The following GRIK1 variants were observed in gnomAD, a reference collection of about 807,000 sequenced individuals.
GRIK1 encodes glutamate ionotropic receptor kainate type subunit 1.
Under a neutral mutation model 105.7 loss-of-function variants are expected in GRIK1, and 69 were observed. The observed-to-expected ratio is 0.65, with a 90% CI of 0.54 to 0.80. The LOEUF (loss-of-function observed/expected upper bound fraction) is 0.80, where lower values mean the gene tolerates loss of function less well. Among genes scored for constraint, GRIK1 ranks in the 30% least tolerant of loss-of-function variants. The pLI is 0.00. For missense variants in GRIK1, 1,109 were observed against 1,167.3 expected (o/e 0.95, Z 0.73); for synonymous variants, 438 against 431.3 (o/e 1.02, Z -0.19).
intron 1 of GRIK1, among the ~76,000 whole-genome samples, chr21:29,910,889 A>T (rs2070791819): frequency 6.6e-6 from 1 of 151,620 alleles, no homozygotes; most frequent in Non-Finnish European, 1.5e-5. Context: ...TTTTTTTTTT[A>T]CAAGACTGAC....
At chr21:29,540,421 T>C (rs561327367) in intron 16 of GRIK1, among the ~76,000 whole-genome samples, 1 of 152,304 alleles carries the variant, frequency 6.6e-6, no homozygotes, top group African/African-American at 2.4e-5. Flanking sequence ...TGGCAAGATA[T>C]TGGGGCTGAC....
At chr21:29,828,259 C>T (rs1241095699) in intron 1 of GRIK1, among the ~76,000 whole-genome samples, 1 of 152,010 alleles carries the variant, frequency 6.6e-6, no homozygotes, top group African/African-American at 2.4e-5. Flanking sequence ...TACCAGGAGG[C>T]ATGGTTTACT....
chr21:29,603,304 G>A (rs1261821729), intron 7 of GRIK1, among the ~76,000 whole-genome samples: 4 of 151,648 alleles, frequency 2.6e-5, no homozygotes, highest in African/African-American at 9.7e-5. Context: ...AAGCTGTCTC[G>A]ATGGCAAACT....
chr21:29,922,919 A>G (rs1475761221), intron 1 of GRIK1, among the ~76,000 whole-genome samples: 13 of 152,166 alleles, frequency 8.5e-5, no homozygotes, highest in Non-Finnish European at 1.6e-4. Context: ...CAGACTGCAG[A>G]ACATAAAATG....
chr21:29,840,809 A>C (rs1332001936), intron 1 of GRIK1, among the ~76,000 whole-genome samples: 1 of 152,190 alleles, frequency 6.6e-6, no homozygotes, highest in Non-Finnish European at 1.5e-5. Flanking sequence ...ATCCAAAAAT[A>C]ATACACTATA....
intron 1 of GRIK1, among the ~76,000 whole-genome samples, chr21:29,933,358 G>A (rs891320475): frequency 9.2e-5 from 14 of 152,182 alleles, no homozygotes; most frequent in Non-Finnish European, 1.8e-4. Flanking sequence ...GTTGCCTCAA[G>A]TGTGCTCTGG....
chr21:29,720,039 T>C (rs1290432086), intron 1 of GRIK1, among the ~76,000 whole-genome samples: 1 of 152,230 alleles, frequency 6.6e-6, no homozygotes, highest in Non-Finnish European at 1.5e-5. Context: ...CAAGACTTCA[T>C]TAAAATTTGA....
rs184934942 is a variant in GRIK1 at position 29,560,570 on chromosome 21, T to C, written c.2356+1054A>G. On this transcript the variant is annotated intron_variant, in intron 15 of 17. Transcript: ENST00000327783. ...TTTCTTTCTTTCTTTCTTTCTTTCTTTCTTTCTCTCTTTCTTTCTTTCTCT... is the reference window on the plus strand; with the variant it reads ...TTTCTTTCTTTCTTTCTTTCTTTCTCTCTTTCTCTCTTTCTTTCTTTCTCT... 2.9e-4 allele frequency among the ~76,000 whole-genome samples: 36 copies of C among 124,822 alleles called. 1 individual carries two copies. The highest frequency in any genetic ancestry group is 9.5e-4 in the African/African-American group (24 of 25,228). 81.9% of individuals were successfully genotyped at this position (124,822 alleles called of 152,430 possible).
chr21:29,704,884 T>C (rs1825871354), intron 1 of GRIK1, among the ~76,000 whole-genome samples: 1 of 152,214 alleles, frequency 6.6e-6, no homozygotes, highest in Admixed American at 6.5e-5. Flanking sequence ...GAACCAGGAA[T>C]ATTGCCAAAA....
At chr21:29,773,670 A>G (rs1260150568) in intron 1 of GRIK1, among the ~76,000 whole-genome samples, 2 of 152,188 alleles carry the variant, frequency 1.3e-5, no homozygotes, top group African/African-American at 2.4e-5. Flanking sequence ...TAGCTCATCT[A>G]GAAAACGATA....
intron 1 of GRIK1, among the ~76,000 whole-genome samples, chr21:29,903,248 A>C (rs893743639): frequency 8.5e-5 from 13 of 152,220 alleles, no homozygotes; most frequent in African/African-American, 3.1e-4. Flanking sequence ...TAAAACACCA[A>C]AAGTGATGGC....
chr21:29,687,784 ATT>A (rs1177818779), intron 3 of GRIK1, among the ~76,000 whole-genome samples: 1 of 152,204 alleles, frequency 6.6e-6, no homozygotes, highest in Non-Finnish European at 1.5e-5. Flanking sequence ...TACTAATTAT[ATT>A]TTGTCTAAAT....
At chr21:29,912,513 C>G (rs989715109) in intron 1 of GRIK1, among the ~76,000 whole-genome samples, 1 of 152,068 alleles carries the variant, frequency 6.6e-6, no homozygotes, top group Non-Finnish European at 1.5e-5. Context: ...GTTTATTCTC[C>G]AAAATAAACC....
In GRIK1 at chr21:29,827,976, T is replaced by A. The variant is rs561954713; in HGVS notation, c.118+111407A>T. On this transcript the variant is annotated intron_variant, in intron 1 of 17. Transcript: ENST00000327783. ...ATGTCTTTCTATAATATAGTTAGGA[T>A]CTCTCTCTCTCTCTCTCTCTCTCTC... is the stretch of plus-strand genomic sequence containing the variant. Among the ~76,000 whole-genome samples, 38 of 81,526 alleles carry A rather than the reference T, an allele frequency of 4.7e-4. No homozygotes were observed. In the East Asian group the frequency reaches 0.011, roughly 23 times the overall value. 53.5% of individuals were successfully genotyped at this position (81,526 alleles called of 152,430 possible). A position where few individuals can be genotyped will look rare whatever the true frequency, so the allele number is the denominator to read the frequency against.
At chr21:29,654,677 A>G (rs944670217) in intron 5 of GRIK1, 133 bp downstream of exon 5, 1 of 638,474 alleles carries the variant, frequency 1.6e-6, no homozygotes, top group Non-Finnish European at 2.8e-6. Flanking sequence ...TGCTGGATTT[A>G]GAGGATTCTT....
In GRIK1 at chr21:29,537,818, GT is replaced by G. The variant is rs747093705; in HGVS notation, c.2673del (p.Lys891AsnfsTer6). ...CAAACCTTCTCTACACCAAGGCTTT[GT>G]TTTTTTCTCCCATGAAACCTTACTT... ...RNKVRFHGRK[K>X]QSLGVEKCLS... On this transcript the variant is annotated frameshift_variant, in exon 17 of 18. Transcript: ENST00000327783. LOFTEE classifies it high-confidence loss of function. 2.0e-6 allele frequency: 3 copies of G among 1,521,072 alleles called. No homozygotes were observed. The highest frequency in any genetic ancestry group is 2.7e-6 in the Non-Finnish European group (3 of 1,097,274). The allele number at this position is 1,521,072 out of a possible 1,614,324, so 94.2% of individuals were successfully genotyped here.
intron 1 of GRIK1, among the ~76,000 whole-genome samples, chr21:29,867,986 G>A (rs1309929615): frequency 1.4e-5 from 2 of 140,880 alleles, no homozygotes; most frequent in East Asian, 2.3e-4. Context: ...GAGAAAAAGA[G>A]GAGAGAAGGA....
At chr21:29,681,536 A>G (rs1342081430) in intron 3 of GRIK1, among the ~76,000 whole-genome samples, 2 of 152,144 alleles carry the variant, frequency 1.3e-5, no homozygotes, top group Non-Finnish European at 2.9e-5. Context: ...TCACTTCCTC[A>G]GCTCCTTGCA....
chr21:29,812,145 C>T (rs1460919224), intron 1 of GRIK1, among the ~76,000 whole-genome samples: 1 of 152,204 alleles, frequency 6.6e-6, no homozygotes, highest in African/African-American at 2.4e-5. Flanking sequence ...TAATCTTTTT[C>T]AAATTTTCCC....
Sources: gnomAD v4.1 joint callset for allele counts (sites outside exome capture counted in the v4.1 genomes callset) on GRCh38, gnomAD v4.1.1 for gene constraint, MANE v1.5 for transcripts, NCBI Gene and HGNC (gene_info 2026-07-23, HGNC 2026-07-21) for gene names.